WDHD1: variants seen among roughly 807,000 people sequenced by gnomAD.
WDHD1 encodes the protein WD repeat and HMG-box DNA-binding protein 1.
Under a neutral mutation model 135.4 loss-of-function variants are expected in WDHD1, and 111 were observed. The ratio of observed to expected loss-of-function variants is 0.82; its 90% confidence interval spans 0.70 to 0.96. WDHD1 has a LOEUF of 0.96. Ranked by LOEUF, WDHD1 falls within the 40% of genes least tolerant of loss-of-function variation. The probability of loss-of-function intolerance (pLI) is 0.00; values close to 1 mark genes in which losing one functional copy is unlikely to be tolerated. For missense variants in WDHD1, 1,351 were observed against 1,336.3 expected, an observed-to-expected ratio of 1.01 and a Z score of -0.17; for synonymous variants, 434 against 439.0, an observed-to-expected ratio of 0.99 and a Z score of 0.14.
At chr14:54,999,793 G>T (rs1206773336) in intron 10 of WDHD1, among the ~76,000 whole-genome samples, 1 of 152,016 alleles carries the variant, frequency 6.6e-6, no homozygotes, top group East Asian at 1.9e-4. Context: ...TTTTTGTAGA[G>T]ATGGGGTCCC....
intron 7 of WDHD1, chr14:55,005,783 T>C (rs1323380067): frequency 3.0e-6 from 1 of 328,694 alleles, no homozygotes; most frequent in African/African-American, 2.1e-5. Context: ...GGCTTTAGAA[T>C]CAGCTCAATT....
intron 24 of WDHD1, among the ~76,000 whole-genome samples, chr14:54,952,337 AT>A: frequency 1.3e-5 from 2 of 152,364 alleles, no homozygotes; most frequent in Non-Finnish European, 2.9e-5. Context: ...AAGCATTCTT[AT>A]ACACCAATAA....
In WDHD1 at chr14:55,007,904, G is replaced by A. The variant is rs1017412068; in HGVS notation, c.504+412C>T. ...GCCAATCTGGAGAACACCTTATTTC[G>A]TACCTCCTTTAAAACCTTTATTAGG... On this transcript the variant is annotated intron_variant, in intron 6 of 25. Transcript: ENST00000360586. 3.3e-5 allele frequency among the ~76,000 whole-genome samples: 5 copies of A among 152,128 alleles called. No individual in the cohort carries two copies. In the South Asian group the frequency reaches 6.2e-4, roughly 19 times the overall value.
intron 7 of WDHD1, chr14:55,005,390 G>C (rs1190852731): frequency 1.8e-6 from 1 of 567,288 alleles, no homozygotes; most frequent in Non-Finnish European, 3.4e-6. Context: ...GAAGCAGCCA[G>C]CAACTGGAGT....
intron 15 of WDHD1, among the ~76,000 whole-genome samples, chr14:54,984,246 G>A (rs927246029): frequency 6.6e-6 from 1 of 152,224 alleles, no homozygotes; most frequent in Non-Finnish European, 1.5e-5. Context: ...TGTAATCCCA[G>A]CACTTTAGGA....
At chr14:54,948,819 T>G (rs922221982) in intron 24 of WDHD1, among the ~76,000 whole-genome samples, 3 of 152,146 alleles carry the variant, frequency 2.0e-5, no homozygotes, top group African/African-American at 7.2e-5. Flanking sequence ...TCCAGAGGAA[T>G]GACCAGGCAG....
At chr14:55,012,899 T>C (rs768197761) in intron 3 of WDHD1, among the ~76,000 whole-genome samples, 63 of 152,094 alleles carry the variant, frequency 4.1e-4, no homozygotes, top group Non-Finnish European at 7.2e-4. Context: ...TTCCAACACA[T>C]GCTTTTAGGG....
At chr14:54,984,672 A>C (rs540116693) in intron 15 of WDHD1, 51 bp downstream of exon 15, 2 of 1,408,376 alleles carry the variant, frequency 1.4e-6, no homozygotes, top group Non-Finnish European at 1.9e-6. Context: ...TTCTTGAAGA[A>C]TATCTAACAC....
intron 7 of WDHD1, chr14:55,005,463 C>T: frequency 1.8e-6 from 1 of 567,048 alleles, no homozygotes; most frequent in South Asian, 1.4e-5. Flanking sequence ...GATGATATGA[C>T]ACTGACATTG....
At chr14:54,990,395 A>C (rs112653363) in intron 12 of WDHD1, among the ~76,000 whole-genome samples, 5,689 of 152,224 alleles carry the variant, frequency 0.037, 121 homozygotes, top group African/African-American at 0.05. Context: ...CAGGAGATCG[A>C]GACCATCCTG....
chr14:54,950,266 A>C (rs1327395071), intron 24 of WDHD1, among the ~76,000 whole-genome samples: 1 of 152,226 alleles, frequency 6.6e-6, no homozygotes, highest in African/African-American at 2.4e-5. Flanking sequence ...GTGCAGAGAC[A>C]CACATAAGCT....
Position 54,966,499 on chromosome 14 carries a change from C to CTGT in WDHD1, c.2283_2285dup (p.Gln762dup). The CTGT allele has an allele frequency of 6.2e-7, 1 of 1,602,582 alleles. No homozygotes were observed. The highest frequency in any genetic ancestry group is 2.2e-5 in the East Asian group (1 of 44,752). On this transcript the variant is annotated inframe_insertion, in exon 18 of 26. Transcript: ENST00000360586. Reference sequence around the variant, plus strand: ...CCGCAAGCATTTTCATTAAAAGTTCCTGTTGCTCTTTTGTTGCTTGATTTT... The same window carrying CTGT: ...CCGCAAGCATTTTCATTAAAAGTTCCTGTTGTTGCTCTTTTGTTGCTTGATTTT...
At position 54,957,113 on chromosome 14, in the gene WDHD1, G is replaced by T. The variant is rs777349691; in HGVS notation, c.2837C>A (p.Ser946Tyr). Residue 946 changes from serine (S) to tyrosine (Y), a missense_variant, in exon 23 of 26, where the codon TCC becomes TAC. Ser to Tyr is a moderately radical substitution (Grantham distance 144). Around this residue, in one of 2 missense-constraint regions of WDHD1, gnomAD observed 1,330 missense variants for 1,296.1 expected, o/e 1.03. Coordinates refer to ENST00000360586, the MANE Select transcript of WDHD1 (RefSeq NM_007086.4). ...ATTTGTAGTTCGACTAAGTGCAGTGGATTTCTTGGATGATTTGCCCATATT... is the reference window on the plus strand; with the variant it reads ...ATTTGTAGTTCGACTAAGTGCAGTGTATTTCTTGGATGATTTGCCCATATT... ...LDNMGKSSKK[S>Y]TALSRTTNNE... The T allele has an allele frequency of 7.4e-6, 12 of 1,614,136 alleles. No homozygotes were observed. The highest frequency in any genetic ancestry group is 9.3e-6 in the Non-Finnish European group (11 of 1,180,012).
chr14:55,024,952 CGT>C lies in WDHD1; in HGVS notation c.77+1757_77+1758del, dbSNP rs1288260712. On this transcript the variant is annotated intron_variant, in intron 2 of 25. Coordinates refer to ENST00000360586, the MANE Select transcript of WDHD1 (RefSeq NM_007086.4). ...TGGGAAGGGAAAGACCTGACCGTCC[CGT>C]AAAGGGTCTGTGCTGAGGAGGATTA... 3.9e-5 allele frequency among the ~76,000 whole-genome samples: 4 copies of C among 102,106 alleles called. 1 individual carries two copies. The Admixed American group carries it at 4.6e-4, about 12-fold the overall frequency. 67.0% of individuals were successfully genotyped at this position (102,106 alleles called of 152,430 possible).
intron 2 of WDHD1, among the ~76,000 whole-genome samples, chr14:55,022,912 C>A (rs898097649): frequency 1.3e-5 from 2 of 151,054 alleles, no homozygotes; most frequent in East Asian, 4.0e-4. Flanking sequence ...GCAACCTCCA[C>A]CTCCCGGGTT....
intron 23 of WDHD1, among the ~76,000 whole-genome samples, chr14:54,956,239 ACAT>A (rs2041157229): frequency 6.6e-6 from 1 of 152,152 alleles, no homozygotes; most frequent in Non-Finnish European, 1.5e-5. Flanking sequence ...ATACGAATAT[ACAT>A]CAGAACTATC....
intron 16 of WDHD1, among the ~76,000 whole-genome samples, chr14:54,978,675 G>A (rs538066147): frequency 2.0e-5 from 3 of 151,978 alleles, no homozygotes; most frequent in Admixed American, 1.3e-4. Flanking sequence ...CAACTGTAAA[G>A]GCAAAACACA....
intron 21 of WDHD1, among the ~76,000 whole-genome samples, chr14:54,957,847 A>ACAT (rs1381206830): frequency 1.3e-5 from 2 of 152,326 alleles, no homozygotes; most frequent in East Asian, 3.9e-4. Context: ...GCCACTATGA[A>ACAT]ACATATTCAG....
chr14:55,010,331 T>C lies in WDHD1; in HGVS notation c.319A>G (p.Thr107Ala). ...ANHVVFNGDGTKIAAGSSDFL... is the reference protein window; with the variant it reads ...ANHVVFNGDGAKIAAGSSDFL... ...TACCTAGATCCAGCAGCAATTTTAG[T>C]ACCATCCCCATTAAAGACCACATGG... is the stretch of plus-strand genomic sequence containing the variant. The change falls in exon 4 of 26, where the codon ACT (threonine) becomes GCT (alanine). Residue 107 changes from threonine (T) to alanine (A), a missense_variant. This residue lies in a region of WDHD1 where 1,330 missense variants were observed against 1,296.1 expected (regional missense o/e 1.03). Coordinates refer to ENST00000360586, the MANE Select transcript of WDHD1 (RefSeq NM_007086.4). The C allele has an allele frequency of 1.2e-6, 2 of 1,606,894 alleles. No individual in the cohort carries two copies. Among genetic ancestry groups the C allele is most frequent in the South Asian group, 2.2e-5 (2 of 89,092 alleles).
Sources: allele counts gnomAD v4.1 joint callset (sites outside exome capture counted in the v4.1 genomes callset), GRCh38; gene constraint gnomAD v4.1.1; regional missense constraint gnomAD v4.1.1; transcripts MANE v1.5; gene names NCBI Gene and HGNC (gene_info 2026-07-23, HGNC 2026-07-21).